PIP5K1B: variants seen among roughly 807,000 people sequenced by gnomAD.
PIP5K1B encodes phosphatidylinositol-4-phosphate 5-kinase type 1 beta.
PIP5K1B carries 42 observed loss-of-function variants against 67.0 expected under a neutral mutation model. The ratio of observed to expected loss-of-function variants is 0.63; its 90% CI spans 0.49 to 0.81. The LOEUF (loss-of-function observed/expected upper bound fraction) is 0.81. Ranked by LOEUF, PIP5K1B falls within the 30% of genes least tolerant of loss-of-function variation. The pLI is 0.00. For missense variants in PIP5K1B, 459 were observed against 646.3 expected (o/e 0.71, Z 3.14); for synonymous variants, 214 against 231.4 (o/e 0.92, Z 0.68).
At chr9:68,757,922 T>C (rs1274104935) in intron 2 of PIP5K1B, among the ~76,000 whole-genome samples, 1 of 151,664 alleles carries the variant, frequency 6.6e-6, no homozygotes, top group Admixed American at 6.6e-5. Context: ...GAAAAGTAAA[T>C]AGTGGCAGGA....
chr9:68,737,093 A>G (rs1320193288), intron 1 of PIP5K1B, among the ~76,000 whole-genome samples: 1 of 152,228 alleles, frequency 6.6e-6, no homozygotes, highest in Non-Finnish European at 1.5e-5. Context: ...AACAAAGAGC[A>G]TGAACATCTT....
intron 4 of PIP5K1B, among the ~76,000 whole-genome samples, chr9:68,857,751 C>T (rs1163925387): frequency 6.6e-6 from 1 of 152,160 alleles, no homozygotes; most frequent in Non-Finnish European, 1.5e-5. Context: ...CCTGAAGTCA[C>T]AGCTACTTGG....
chr9:68,827,019 T>C (rs928382591), intron 4 of PIP5K1B, among the ~76,000 whole-genome samples: 6 of 152,222 alleles, frequency 3.9e-5, no homozygotes, highest in Admixed American at 1.3e-4. Flanking sequence ...CCCAGAGTGC[T>C]GGGATTACAG....
intron 11 of PIP5K1B, among the ~76,000 whole-genome samples, chr9:68,919,944 G>T (rs900250784): frequency 1.3e-5 from 2 of 152,142 alleles, no homozygotes; most frequent in Non-Finnish European, 2.9e-5. Flanking sequence ...CCAGCCTAGC[G>T]GCCAGAAAAA....
intron 4 of PIP5K1B, among the ~76,000 whole-genome samples, chr9:68,835,587 A>G (rs1411677979): frequency 2.0e-5 from 3 of 152,214 alleles, no homozygotes; most frequent in Non-Finnish European, 4.4e-5. Context: ...CTAGAATTCA[A>G]TACTTAGTGA....
chr9:68,811,174 A>T lies in PIP5K1B; in HGVS notation c.-85-7287A>T, dbSNP rs567029888. ...CTATAACAATAGAAACGTGTGTACC[A>T]GTTCCTAGCCTACCTCCCAATCCAC... On this transcript the variant is annotated intron_variant, in intron 2 of 15. Coordinates refer to ENST00000265382, the MANE Select transcript of PIP5K1B (RefSeq NM_003558.4). Among the ~76,000 whole-genome samples the T allele has an allele frequency of 1.5e-4, 23 of 152,324 alleles. No individual in the cohort carries two copies. In the South Asian group the frequency reaches 4.6e-3, roughly 30 times the overall value.
At chr9:68,939,926 A>G (rs537432808) in intron 13 of PIP5K1B, among the ~76,000 whole-genome samples, 1 of 152,360 alleles carries the variant, frequency 6.6e-6, no homozygotes, top group South Asian at 2.1e-4. Context: ...AGTGATGGAA[A>G]GAATCCACAT....
At chr9:68,774,602 T>C (rs918682127) in intron 2 of PIP5K1B, among the ~76,000 whole-genome samples, 4 of 152,230 alleles carry the variant, frequency 2.6e-5, no homozygotes, top group African/African-American at 9.6e-5. Context: ...TGTACACCCA[T>C]GTAAACTAGC....
intron 14 of PIP5K1B, among the ~76,000 whole-genome samples, chr9:68,970,070 ATTAC>A (rs1452734841): frequency 6.6e-6 from 1 of 152,212 alleles, no homozygotes; most frequent in African/African-American, 2.4e-5. Flanking sequence ...TAGAAGTGAC[ATTAC>A]TTACTTAACA....
chr9:68,787,433 G>T (rs1229762194), intron 2 of PIP5K1B, among the ~76,000 whole-genome samples: 1 of 152,072 alleles, frequency 6.6e-6, no homozygotes, highest in Non-Finnish European at 1.5e-5. Flanking sequence ...TGAGCAGAAG[G>T]ACCAGAAAGA....
At position 68,923,265 on chromosome 9, in the gene PIP5K1B, G is replaced by A. The variant is rs566646530; in HGVS notation, c.1117-37G>A. On this transcript the variant is annotated intron_variant, in intron 11 of 15. Transcript: ENST00000265382. ...TCTTCTGACTTGAGATGAACATTAAGAGGTGACCCTGTGATCCTGGGTTTT... is the reference window on the plus strand; with the variant it reads ...TCTTCTGACTTGAGATGAACATTAAAAGGTGACCCTGTGATCCTGGGTTTT... 1.4e-5 allele frequency: 16 copies of A among 1,106,394 alleles called. No homozygotes were observed. In the East Asian group the frequency reaches 1.9e-4, roughly 13 times the overall value. 68.5% of individuals were successfully genotyped at this position (1,106,394 alleles called of 1,614,324 possible). A position where few individuals can be genotyped will look rare whatever the true frequency, so the allele number is the denominator to read the frequency against.
intron 4 of PIP5K1B, among the ~76,000 whole-genome samples, chr9:68,833,948 C>T (rs1834459916): frequency 6.6e-6 from 1 of 152,162 alleles, no homozygotes; most frequent in African/African-American, 2.4e-5. Context: ...AGGTCTGGGG[C>T]TCAGCTTCAA....
At chr9:68,824,884 A>T (rs1833905284) in intron 4 of PIP5K1B, among the ~76,000 whole-genome samples, 1 of 152,204 alleles carries the variant, frequency 6.6e-6, no homozygotes, top group Non-Finnish European at 1.5e-5. Context: ...CAGATGAAAG[A>T]ACTTAAAGCT....
In PIP5K1B at chr9:68,888,875, C is replaced by T. The variant is rs1587620861; in HGVS notation, c.319-106C>T. The T allele has an allele frequency of 1.8e-5, 13 of 735,128 alleles. No homozygotes were observed. The Middle Eastern group carries it at 1.0e-3, about 59-fold the overall frequency. The allele number at this position is 735,128 out of a possible 1,614,324, so 45.5% of individuals were successfully genotyped here. Reference sequence around the variant, plus strand: ...GCCTCTTTTAAAGCCCGTAGAGAGGCTTCTTGTTTCAACATAGCTAAGATG... The same window carrying T: ...GCCTCTTTTAAAGCCCGTAGAGAGGTTTCTTGTTTCAACATAGCTAAGATG... On this transcript the variant is annotated intron_variant, in intron 6 of 15. Transcript: ENST00000265382.
intron 15 of PIP5K1B, among the ~76,000 whole-genome samples, chr9:68,991,673 C>T (rs1316845578): frequency 2.0e-5 from 3 of 152,194 alleles, no homozygotes; most frequent in African/African-American, 7.2e-5. Context: ...AAATTCAGTG[C>T]TGGAGAATCT....
intron 4 of PIP5K1B, among the ~76,000 whole-genome samples, chr9:68,854,853 C>T (rs1433361191): frequency 1.3e-5 from 2 of 152,164 alleles, no homozygotes; most frequent in Non-Finnish European, 2.9e-5. Flanking sequence ...TTATTTTCCT[C>T]CGTGGATATG....
intron 2 of PIP5K1B, among the ~76,000 whole-genome samples, chr9:68,787,725 C>T (rs1311256839): frequency 2.0e-5 from 3 of 152,102 alleles, no homozygotes; most frequent in African/African-American, 4.8e-5. Flanking sequence ...CTCCGCCTCC[C>T]GGGTTCAAGT....
At chr9:68,780,007 G>A in intron 2 of PIP5K1B, 1 of 976,412 alleles carries the variant, frequency 1.0e-6, no homozygotes, top group Non-Finnish European at 1.4e-6. Flanking sequence ...CGCGAGTACG[G>A]ACATCGCGAG....
intron 12 of PIP5K1B, among the ~76,000 whole-genome samples, chr9:68,924,239 T>TA (rs1287506298): frequency 6.7e-6 from 1 of 150,122 alleles, no homozygotes; most frequent in Non-Finnish European, 1.5e-5. Flanking sequence ...CCATCTCTAC[T>TA]AAAAATACAA....
Sources: gnomAD v4.1 joint callset for allele counts (sites outside exome capture counted in the v4.1 genomes callset) on GRCh38, gnomAD v4.1.1 for gene constraint, MANE v1.5 for transcripts, NCBI Gene and HGNC (gene_info 2026-07-23, HGNC 2026-07-21) for gene names.